Variants in MYO9A observed in about 807,000 individuals in gnomAD.
The protein encoded by MYO9A is unconventional myosin-IXa.
MYO9A carries 103 observed loss-of-function variants against 293.3 expected under a neutral mutation model. The ratio of observed to expected loss-of-function variants is 0.35; its 90% CI spans 0.30 to 0.41. The LOEUF (loss-of-function observed/expected upper bound fraction) is 0.41, where lower values mean the gene tolerates loss of function less well. Among genes scored for constraint, MYO9A ranks in the 10% least tolerant of loss-of-function variants. MYO9A has a pLI of 1.00. For missense variants in MYO9A, 2,685 were observed against 3,033.0 expected, an observed-to-expected ratio of 0.89 and a Z score of 2.69; for synonymous variants, 1,001 against 1,035.7, an observed-to-expected ratio of 0.97 and a Z score of 0.64.
chr15:72,032,280 C>T (rs2077896713), intron 3 of MYO9A, among the ~76,000 whole-genome samples: 1 of 152,084 alleles, frequency 6.6e-6, no homozygotes, highest in Non-Finnish European at 1.5e-5. Context: ...ACATTGACAA[C>T]AATCAAATCT....
At chr15:72,003,973 A>T (rs1459814692) in intron 8 of MYO9A, among the ~76,000 whole-genome samples, 2 of 152,162 alleles carry the variant, frequency 1.3e-5, no homozygotes, top group Non-Finnish European at 2.9e-5. Context: ...AACTCATTTC[A>T]TGAGTTCTCT....
chr15:71,848,830 T>C lies in MYO9A; in HGVS notation c.6837+15A>G. On this transcript the variant is annotated intron_variant, in intron 39 of 41. Coordinates refer to ENST00000356056, the MANE Select transcript of MYO9A (RefSeq NM_006901.4). ...CAACTCCCATTTTTCCACTATTCCA[T>C]GTGTTGCATCTTACCATTGATCTAC... The C allele has an allele frequency of 6.3e-7, 1 of 1,597,762 alleles. No individual in the cohort carries two copies. The highest frequency in any genetic ancestry group is 8.5e-7 in the Non-Finnish European group (1 of 1,174,922).
chr15:72,070,905 A>C lies in MYO9A; in HGVS notation c.-71-24271T>G, dbSNP rs549356333. Among the ~76,000 whole-genome samples, 36 of 152,342 alleles carry C rather than the reference A, an allele frequency of 2.4e-4. No homozygotes were observed. In the South Asian group the frequency reaches 7.5e-3, roughly 32 times the overall value. On this transcript the variant is annotated intron_variant, in intron 1 of 41. Coordinates refer to ENST00000356056, the MANE Select transcript of MYO9A (RefSeq NM_006901.4). ...TCTCACCATATACAAAAATTAACTC[A>C]AGATGGATTAAGCACTTAAATGTAA...
chr15:71,893,918 TTAGC>T (rs1287809779), intron 25 of MYO9A, 140 bp from the exon 26 acceptor site: 4 of 677,306 alleles, frequency 5.9e-6, no homozygotes, highest in Non-Finnish European at 1.0e-5. Flanking sequence ...TTTTTTCTGC[TTAGC>T]TAATTAGTAA....
chr15:72,099,850 C>A (rs557947049), intron 1 of MYO9A, among the ~76,000 whole-genome samples: 1 of 128,220 alleles, frequency 7.8e-6, no homozygotes, highest in Non-Finnish European at 1.6e-5. Context: ...TGCAGTGAGC[C>A]GAGATCGAGC....
chr15:71,936,416 G>A (rs576874042), intron 16 of MYO9A, among the ~76,000 whole-genome samples: 85 of 152,194 alleles, frequency 5.6e-4, no homozygotes, highest in African/African-American at 1.9e-3. Context: ...ATTGCACAAT[G>A]AAGTGATTAT....
chr15:71,975,428 T>TGTGTGTGTGTGTGTGTGG (rs2076116955), intron 12 of MYO9A, among the ~76,000 whole-genome samples: 1 of 147,944 alleles, frequency 6.8e-6, no homozygotes, highest in Non-Finnish European at 1.5e-5. Context: ...TGTGTGTGTG[T>TGTGTGTGTGTGTGTGTGG]AGGTTTTCGT....
At chr15:71,940,137 T>C (rs540239665) in intron 15 of MYO9A, among the ~76,000 whole-genome samples, 10 of 152,344 alleles carry the variant, frequency 6.6e-5, no homozygotes, top group Admixed American at 3.3e-4. Flanking sequence ...CATGAAGTGA[T>C]TGTTATCTTT....
At chr15:71,999,733 T>C in intron 9 of MYO9A, 118 bp downstream of exon 9, 3 of 672,970 alleles carry the variant, frequency 4.5e-6, no homozygotes, top group Non-Finnish European at 7.3e-6. Context: ...CTAGAAAATA[T>C]TTCAATCAAA....
At chr15:71,852,350 G>A in intron 35 of MYO9A, 90 bp from the exon 36 acceptor site, 3 of 1,212,976 alleles carry the variant, frequency 2.5e-6, no homozygotes, top group Non-Finnish European at 3.3e-6. Flanking sequence ...ATTAAAGGAA[G>A]GCTTCATGTT....
intron 18 of MYO9A, among the ~76,000 whole-genome samples, chr15:71,925,411 A>G (rs1190273451): frequency 1.3e-5 from 2 of 150,934 alleles, no homozygotes; most frequent in African/African-American, 2.4e-5. Flanking sequence ...GTATATACAT[A>G]TCTATGTATA....
chr15:71,911,229 T>C (rs1296584372), intron 19 of MYO9A, among the ~76,000 whole-genome samples: 4 of 152,226 alleles, frequency 2.6e-5, no homozygotes, highest in Admixed American at 1.3e-4. Flanking sequence ...TACATACATA[T>C]ATGTTCAGAG....
intron 11 of MYO9A, among the ~76,000 whole-genome samples, chr15:71,978,894 C>T (rs16956444): frequency 0.21 from 31,673 of 151,556 alleles, 3,593 homozygotes; most frequent in East Asian, 0.41. Context: ...TTATTCTTTC[C>T]TGTATGGAGA....
intron 1 of MYO9A, among the ~76,000 whole-genome samples, chr15:72,065,655 T>TA (rs1301738106): frequency 1.3e-5 from 2 of 151,690 alleles, no homozygotes; most frequent in East Asian, 1.9e-4. Context: ...TCTATTCAAT[T>TA]AAAAAAATCA....
intron 1 of MYO9A, among the ~76,000 whole-genome samples, chr15:72,068,727 T>C (rs1017752290): frequency 6.6e-6 from 1 of 152,126 alleles, no homozygotes; most frequent in African/African-American, 2.4e-5. Context: ...TCCTCCCACC[T>C]TGGCCCCACA....
At chr15:71,955,366 T>C (rs190473910) in intron 14 of MYO9A, among the ~76,000 whole-genome samples, 3 of 152,266 alleles carry the variant, frequency 2.0e-5, no homozygotes, top group Admixed American at 2.0e-4. Flanking sequence ...TGACCTCAGG[T>C]GATCCACCCA....
At chr15:72,096,420 C>T (rs762130103) in intron 1 of MYO9A, among the ~76,000 whole-genome samples, 2 of 152,176 alleles carry the variant, frequency 1.3e-5, no homozygotes, top group Non-Finnish European at 2.9e-5. Flanking sequence ...GACAACACAT[C>T]TGTTGACAGT....
chr15:72,012,523 C>T (rs1257505785), intron 6 of MYO9A, among the ~76,000 whole-genome samples: 1 of 152,100 alleles, frequency 6.6e-6, no homozygotes, highest in Non-Finnish European at 1.5e-5. Context: ...GTCTCAAACT[C>T]CTGACCTCAG....
In MYO9A at chr15:71,858,896, C is replaced by T. The variant is rs527539163; in HGVS notation, c.6153+839G>A. ...AAAATTCCCACTAGAAGAAAAACAT[C>T]TCACAGATGTAGATTCACTACTCTG... is the stretch of plus-strand genomic sequence containing the variant. On this transcript the variant is annotated intron_variant, in intron 34 of 41. Transcript: ENST00000356056. Among the ~76,000 whole-genome samples, 4 of 151,814 alleles carry T rather than the reference C, an allele frequency of 2.6e-5. No homozygotes were observed. In the South Asian group the frequency reaches 8.3e-4, roughly 32 times the overall value.
Sources: gnomAD v4.1 joint callset for allele counts (sites outside exome capture counted in the v4.1 genomes callset) on GRCh38, gnomAD v4.1.1 for gene constraint, MANE v1.5 for transcripts, NCBI Gene and HGNC (gene_info 2026-07-23, HGNC 2026-07-21) for gene names.